The following PUM2 variants were observed in gnomAD, a reference collection of about 807,000 sequenced individuals.
PUM2 encodes the protein pumilio homolog 2.
Under a neutral mutation model 124.5 loss-of-function variants are expected in PUM2, and 57 were observed. The ratio of observed to expected loss-of-function variants is 0.46; its 90% CI spans 0.37 to 0.57. The LOEUF (loss-of-function observed/expected upper bound fraction) is 0.57, where lower values mean the gene tolerates loss of function less well. PUM2 is among the 20% of genes least tolerant of loss of function. The pLI is 0.00. For missense variants in PUM2, 1,065 were observed against 1,290.6 expected (o/e 0.83, Z 2.68); for synonymous variants, 460 against 446.1 (o/e 1.03, Z -0.39).
At chr2:20,332,398 T>TA (rs1399543007) in intron 1 of PUM2, among the ~76,000 whole-genome samples, 1 of 138,354 alleles carries the variant, frequency 7.2e-6, no homozygotes, top group East Asian at 2.1e-4. Flanking sequence ...GGTAGTAGAG[T>TA]AAAAAGACTT....
chr2:20,296,943 C>T (rs561223572), intron 8 of PUM2, among the ~76,000 whole-genome samples: 46 of 152,226 alleles, frequency 3.0e-4, no homozygotes, highest in South Asian at 2.1e-3. Flanking sequence ...AGGCCAGGCG[C>T]TTCGGCATCC....
At chr2:20,265,728 T>C (rs1267356353) in intron 13 of PUM2, among the ~76,000 whole-genome samples, 4 of 152,180 alleles carry the variant, frequency 2.6e-5, no homozygotes, top group African/African-American at 9.7e-5. Context: ...CTGATAAGAG[T>C]ACTTGCTCTA....
At chr2:20,259,729 A>G (rs899250901) in intron 15 of PUM2, among the ~76,000 whole-genome samples, 1 of 152,226 alleles carries the variant, frequency 6.6e-6, no homozygotes, top group Non-Finnish European at 1.5e-5. Flanking sequence ...ATCGTGAATA[A>G]TGGTGCAATA....
At chr2:20,307,206 T>A (rs1678549473) in intron 7 of PUM2, among the ~76,000 whole-genome samples, 1 of 151,728 alleles carries the variant, frequency 6.6e-6, no homozygotes, top group South Asian at 2.1e-4. Flanking sequence ...AGAGTGAGAC[T>A]CTCTCTCCAA....
At chr2:20,295,657 T>C (rs926919616) in intron 8 of PUM2, among the ~76,000 whole-genome samples, 4 of 152,032 alleles carry the variant, frequency 2.6e-5, no homozygotes, top group African/African-American at 7.2e-5. Context: ...AAAGGACACA[T>C]TGTAAAAATG....
intron 8 of PUM2, 57 bp downstream of exon 8, chr2:20,297,496 C>T: frequency 7.2e-7 from 1 of 1,393,912 alleles, no homozygotes; most frequent in South Asian, 1.6e-5. Flanking sequence ...AAGCTTACAC[C>T]CAAAACTAAA....
intron 1 of PUM2, among the ~76,000 whole-genome samples, chr2:20,338,346 G>A (rs192588256): frequency 6.1e-4 from 93 of 152,220 alleles, no homozygotes; most frequent in Non-Finnish European, 9.6e-4. Flanking sequence ...GCAGTGAGCC[G>A]AGACTGCACC....
At chr2:20,289,882 AT>A in intron 10 of PUM2, among the ~76,000 whole-genome samples, 1 of 152,250 alleles carries the variant, frequency 6.6e-6, no homozygotes, top group Non-Finnish European at 1.5e-5. Flanking sequence ...AGTAACCCAT[AT>A]ACGGACAACC....
At chr2:20,342,686 T>C (rs1304324099) in intron 1 of PUM2, among the ~76,000 whole-genome samples, 2 of 152,198 alleles carry the variant, frequency 1.3e-5, no homozygotes, top group African/African-American at 2.4e-5. Context: ...GACTTATGAA[T>C]AGTCTAAGAA....
At chr2:20,281,182 G>A (rs1432402254) in intron 12 of PUM2, among the ~76,000 whole-genome samples, 1 of 152,162 alleles carries the variant, frequency 6.6e-6, no homozygotes, top group Admixed American at 6.5e-5. Context: ...GCATTCAGGG[G>A]TGGCAATCAC....
At chr2:20,310,840 TATAG>T (rs1342067729) in intron 5 of PUM2, among the ~76,000 whole-genome samples, 1 of 151,944 alleles carries the variant, frequency 6.6e-6, no homozygotes, top group Non-Finnish European at 1.5e-5. Flanking sequence ...CTCCCTAATA[TATAG>T]ATAAATATAT....
intron 2 of PUM2, 147 bp downstream of exon 2, chr2:20,327,163 T>A: frequency 1.7e-6 from 1 of 597,932 alleles, no homozygotes; most frequent in South Asian, 2.1e-5. Context: ...CACAACAGAA[T>A]TGTACAATCT....
At chr2:20,333,874 C>T (rs1484139398) in intron 1 of PUM2, among the ~76,000 whole-genome samples, 1 of 152,024 alleles carries the variant, frequency 6.6e-6, no homozygotes, top group African/African-American at 2.4e-5. Flanking sequence ...ATTGCCATCC[C>T]CTCAGTGCTA....
At chr2:20,258,146 A>G in intron 16 of PUM2, 97 bp downstream of exon 16, 1 of 1,142,334 alleles carries the variant, frequency 8.8e-7, no homozygotes, top group South Asian at 1.8e-5. Flanking sequence ...GAAATATTTA[A>G]GTCTTTTCAC....
intron 1 of PUM2, among the ~76,000 whole-genome samples, chr2:20,330,016 A>G (rs949145215): frequency 6.6e-5 from 10 of 152,126 alleles, no homozygotes; most frequent in Non-Finnish European, 1.2e-4. Flanking sequence ...GAAAAAAAAA[A>G]TTCCACACTT....
chr2:20,331,952 A>G (rs1157461796), intron 1 of PUM2: 1 of 152,244 alleles, frequency 6.6e-6, no homozygotes, highest in Non-Finnish European at 1.5e-5. Context: ...AGACAATACC[A>G]AAATGAATGA....
At chr2:20,275,535 G>C (rs147720704) in intron 13 of PUM2, among the ~76,000 whole-genome samples, 2 of 152,024 alleles carry the variant, frequency 1.3e-5, no homozygotes, top group African/African-American at 4.8e-5. Context: ...TGCAACCTCT[G>C]GAAAAAAAAT....
chr2:20,323,740 G>A (rs1045239730), intron 2 of PUM2, among the ~76,000 whole-genome samples: 3 of 151,848 alleles, frequency 2.0e-5, no homozygotes, highest in African/African-American at 7.3e-5. Flanking sequence ...ACTGACCAAG[G>A]TTACACATAA....
chr2:20,286,594 T>C (rs1182060516), intron 10 of PUM2, among the ~76,000 whole-genome samples: 1 of 152,212 alleles, frequency 6.6e-6, no homozygotes, highest in African/African-American at 2.4e-5. Context: ...GGTGGTCAAC[T>C]TCATTGTCTT....
Sources: allele counts gnomAD v4.1 joint callset (sites outside exome capture counted in the v4.1 genomes callset), GRCh38; gene constraint gnomAD v4.1.1; transcripts MANE v1.5; gene names NCBI Gene and HGNC (gene_info 2026-07-23, HGNC 2026-07-21).